Variants in BRAF observed in about 807,000 individuals in gnomAD.
BRAF encodes the protein serine/threonine-protein kinase B-raf.
Under a neutral mutation model 104.6 loss-of-function variants are expected in BRAF, and 16 were observed. The observed-to-expected ratio is 0.15, with a 90% confidence interval of 0.10 to 0.23. BRAF has a LOEUF of 0.23. BRAF is among the 10% of genes least tolerant of loss of function. The probability of loss-of-function intolerance (pLI) is 1.00; values close to 1 mark genes in which losing one functional copy is unlikely to be tolerated. For missense variants in BRAF, 541 were observed against 937.3 expected (o/e 0.58, Z 5.52); for synonymous variants, 310 against 341.6 (o/e 0.91, Z 1.02).
chr7:140,789,885 C>T (rs1319768251), intron 8 of BRAF, among the ~76,000 whole-genome samples: 1 of 152,192 alleles, frequency 6.6e-6, no homozygotes, highest in Non-Finnish European at 1.5e-5. Context: ...CGCCTGCCAC[C>T]ATGCCCGGCT....
intron 12 of BRAF, among the ~76,000 whole-genome samples, chr7:140,779,369 TG>T (rs1423846987): frequency 2.6e-5 from 4 of 152,304 alleles, no homozygotes; most frequent in Admixed American, 1.3e-4. Flanking sequence ...CCTCAATAGC[TG>T]GGAGTACAGG....
intron 19 of BRAF, chr7:140,734,209 G>A: frequency 9.1e-7 from 1 of 1,103,994 alleles, no homozygotes; most frequent in South Asian, 3.8e-5. Context: ...CTTCTCACCT[G>A]CAAACACAGG....
intron 17 of BRAF, among the ~76,000 whole-genome samples, chr7:140,744,891 A>C (rs1201469292): frequency 6.6e-6 from 1 of 152,162 alleles, no homozygotes; most frequent in African/African-American, 2.4e-5. Context: ...AAAAATTAAT[A>C]ATCAGAGCTT....
At chr7:140,861,537 A>G (rs1810414393) in intron 1 of BRAF, among the ~76,000 whole-genome samples, 1 of 152,178 alleles carries the variant, frequency 6.6e-6, no homozygotes, top group Admixed American at 6.5e-5. Flanking sequence ...TCTGCCTTAA[A>G]GGGTTGGTTC....
At chr7:140,814,965 C>T (rs1421670119) in intron 3 of BRAF, among the ~76,000 whole-genome samples, 1 of 151,222 alleles carries the variant, frequency 6.6e-6, no homozygotes, top group Non-Finnish European at 1.5e-5. Flanking sequence ...TTTTACAGTG[C>T]AGACGATTAT....
In BRAF at chr7:140,722,444, T is replaced by C; in HGVS notation, c.*4050A>G. 1.9e-6 allele frequency: 2 copies of C among 1,055,100 alleles called. No homozygotes were observed. The highest frequency in any genetic ancestry group is 2.3e-6 in the Non-Finnish European group (2 of 872,854). 65.4% of individuals were successfully genotyped at this position (1,055,100 alleles called of 1,614,324 possible). A position where few individuals can be genotyped will look rare whatever the true frequency, so the allele number is the denominator to read the frequency against. ...GCATCATGAAGGCACAGTAAGATCA[T>C]TTGGCAAATTGTCAAGGTATTTTTC... On this transcript the variant is annotated 3_prime_UTR_variant, in exon 20 of 20. Transcript: ENST00000644969.
intron 12 of BRAF, among the ~76,000 whole-genome samples, chr7:140,778,645 T>C (rs1242674644): frequency 6.6e-6 from 1 of 151,762 alleles, no homozygotes; most frequent in Non-Finnish European, 1.5e-5. Flanking sequence ...CATGTATATA[T>C]ATGTAACTAA....
At chr7:140,841,165 C>T (rs1286413767) in intron 2 of BRAF, among the ~76,000 whole-genome samples, 1 of 151,946 alleles carries the variant, frequency 6.6e-6, no homozygotes, top group Non-Finnish European at 1.5e-5. Flanking sequence ...TAGGAAACTG[C>T]AAATCAAAAC....
At chr7:140,740,032 T>A (rs1796778434) in intron 17 of BRAF, 86 bp from the exon 17 acceptor site, 3 of 1,415,380 alleles carry the variant, frequency 2.1e-6, no homozygotes, top group Non-Finnish European at 2.9e-6. Flanking sequence ...CACAATAAGC[T>A]GTACATTTAC....
At chr7:140,902,131 G>A (rs1290529735) in intron 1 of BRAF, among the ~76,000 whole-genome samples, 1 of 152,168 alleles carries the variant, frequency 6.6e-6, no homozygotes, top group African/African-American at 2.4e-5. Context: ...CCAGCATCGA[G>A]CAAATCTGTT....
intron 17 of BRAF, among the ~76,000 whole-genome samples, chr7:140,748,478 T>C (rs1797529796): frequency 1.3e-5 from 2 of 152,172 alleles, no homozygotes; most frequent in South Asian, 4.1e-4. Flanking sequence ...AATTTCCAGG[T>C]GATTCTGAGG....
chr7:140,853,818 AC>A (rs984612120), intron 1 of BRAF, among the ~76,000 whole-genome samples: 4 of 152,038 alleles, frequency 2.6e-5, no homozygotes, highest in Non-Finnish European at 5.9e-5. Flanking sequence ...TATATATTTT[AC>A]GTGTTCATTT....
intron 14 of BRAF, among the ~76,000 whole-genome samples, chr7:140,776,172 A>T (rs1307398659): frequency 6.6e-6 from 1 of 152,238 alleles, no homozygotes; most frequent in Non-Finnish European, 1.5e-5. Flanking sequence ...ATGACATAAT[A>T]ATCTATGTAA....
intron 16 of BRAF, among the ~76,000 whole-genome samples, chr7:140,752,677 T>C (rs1797884191): frequency 6.6e-6 from 1 of 151,966 alleles, no homozygotes; most frequent in East Asian, 1.9e-4. Context: ...TACCTCTCAT[T>C]TTTTTTTGTC....
At chr7:140,765,365 T>A (rs1322348916) in intron 14 of BRAF, among the ~76,000 whole-genome samples, 7 of 151,732 alleles carry the variant, frequency 4.6e-5, no homozygotes, top group East Asian at 1.9e-4. Flanking sequence ...AACCTAGGCA[T>A]TACCATTCAG....
rs151306633 is a variant in BRAF at position 140,734,775 on chromosome 7, A to G, written c.2248-5T>C. 2.8e-6 allele frequency: 3 copies of G among 1,056,470 alleles called. No individual in the cohort carries two copies. Among genetic ancestry groups the G allele is most frequent in the East Asian group, 6.9e-5 (2 of 29,096 alleles). The allele number at this position is 1,056,470 out of a possible 1,614,324, so 65.4% of individuals were successfully genotyped here. On this transcript the variant is annotated splice_polypyrimidine_tract_variant and splice_region_variant and intron_variant, in intron 18 of 19. Transcript: ENST00000644969. The stretch of plus-strand genomic sequence containing the variant: ...CAGCTCAATAGAGGCGAGAATCTAC[A>G]AAAAAAAAAAGAAAAAAAAAAGAAA...
intron 10 of BRAF, among the ~76,000 whole-genome samples, chr7:140,784,432 T>C (rs1294643746): frequency 6.6e-6 from 1 of 152,188 alleles, no homozygotes; most frequent in African/African-American, 2.4e-5. Context: ...TATGATCTAC[T>C]AAGTAGTTTT....
chr7:140,753,010 ATTTAT>A (rs1359307237), intron 16 of BRAF, among the ~76,000 whole-genome samples: 2 of 152,206 alleles, frequency 1.3e-5, no homozygotes, highest in African/African-American at 4.8e-5. Flanking sequence ...AAGGGTTCAT[ATTTAT>A]TTAAGAATAA....
chr7:140,907,480 C>G (rs973225756), intron 1 of BRAF, among the ~76,000 whole-genome samples: 1 of 152,184 alleles, frequency 6.6e-6, no homozygotes, highest in African/African-American at 2.4e-5. Context: ...CCAGGATGGT[C>G]TCAATCTCCT....
Sources: allele counts gnomAD v4.1 joint callset (sites outside exome capture counted in the v4.1 genomes callset), GRCh38; gene constraint gnomAD v4.1.1; transcripts MANE v1.5; gene names NCBI Gene and HGNC (gene_info 2026-07-23, HGNC 2026-07-21).